The following ZFYVE26 variants were observed in gnomAD, a reference collection of about 807,000 sequenced individuals.
ZFYVE26 encodes the protein zinc finger FYVE-type containing 26, also known as zinc finger FYVE domain-containing protein 26.
ZFYVE26 carries 181 observed loss-of-function variants against 276.5 expected under a neutral mutation model. The ratio of observed to expected loss-of-function variants is 0.65; its 90% CI spans 0.58 to 0.74. The LOEUF (loss-of-function observed/expected upper bound fraction) is 0.74, where lower values mean the gene tolerates loss of function less well. ZFYVE26 is among the 30% of genes least tolerant of loss of function. The probability of loss-of-function intolerance (pLI) is 0.00; values close to 1 mark genes in which losing one functional copy is unlikely to be tolerated. For synonymous variants in ZFYVE26, 1,129 were observed against 1,203.1 expected, an observed-to-expected ratio of 0.94 and a Z score of 1.27; for missense variants, 2,821 against 3,097.9, an observed-to-expected ratio of 0.91 and a Z score of 2.12.
At chr14:67,750,735 G>A (rs1594880385) in intron 41 of ZFYVE26, 1 of 427,150 alleles carries the variant, frequency 2.3e-6, no homozygotes, top group East Asian at 4.8e-5. Context: ...AAAGATGGAG[G>A]TGAGGTGAGG....
chr14:67,748,572 G>A lies in ZFYVE26; in HGVS notation c.7484C>T (p.Ser2495Leu). The A allele has an allele frequency of 6.2e-7, 1 of 1,614,180 alleles. No homozygotes were observed. The highest frequency in any genetic ancestry group is 1.7e-5 in the Admixed American group (1 of 60,024). ...AYLIAVKQEH[S>L]RATALVQQVQ... Reference sequence around the variant, plus strand: ...CTGCTGGACAAGGGCTGTGGCCCGTGAGTGTTCTTGCTTCACAGCAATCAA... The same window carrying A: ...CTGCTGGACAAGGGCTGTGGCCCGTAAGTGTTCTTGCTTCACAGCAATCAA... Residue 2495 changes from serine (S) to leucine (L), a missense_variant, in exon 42 of 42, where the codon TCA becomes TTA. Coordinates refer to ENST00000347230, the MANE Select transcript of ZFYVE26 (RefSeq NM_015346.4).
chr14:67,777,819 T>A (rs1594907168), intron 24 of ZFYVE26, 84 bp from the exon 25 acceptor site: 2 of 1,550,080 alleles, frequency 1.3e-6, no homozygotes, highest in East Asian at 4.5e-5. Context: ...ATAGAATATT[T>A]AGGTTTACTC....
chr14:67,808,774 C>A (rs754335228), intron 4 of ZFYVE26, among the ~76,000 whole-genome samples: 5 of 151,818 alleles, frequency 3.3e-5, no homozygotes, highest in Admixed American at 3.3e-4. Context: ...AAGTATTGGG[C>A]CTCAGAGCAT....
intron 19 of ZFYVE26, among the ~76,000 whole-genome samples, 181 bp from the exon 20 acceptor site, chr14:67,784,617 A>G (rs1162188431): frequency 3.9e-5 from 6 of 152,170 alleles, no homozygotes; most frequent in Non-Finnish European, 8.8e-5. Context: ...TTTTATCTAT[A>G]TCTTACCACT....
At chr14:67,785,509 G>A (rs2039625913) in intron 18 of ZFYVE26, among the ~76,000 whole-genome samples, 1 of 152,176 alleles carries the variant, frequency 6.6e-6, no homozygotes, top group African/African-American at 2.4e-5. Context: ...ACTCTGGTGT[G>A]TATAGTTCTA....
chr14:67,752,318 G>A (rs373118116), intron 40 of ZFYVE26, 26 bp downstream of exon 40: 34 of 1,598,102 alleles, frequency 2.1e-5, no homozygotes, highest in Non-Finnish European at 2.9e-5. Flanking sequence ...TGATGGAGGA[G>A]CCAAGAGGTA....
rs761192908 is a variant in ZFYVE26, at chr14:67,783,540, G to C, written c.3627-15C>G. 1.2e-6 allele frequency: 2 copies of C among 1,610,606 alleles called. No homozygotes were observed. Among genetic ancestry groups the C allele is most frequent in the Non-Finnish European group, 1.7e-6 (2 of 1,179,944 alleles). On this transcript the variant is annotated splice_polypyrimidine_tract_variant and intron_variant, in intron 20 of 41. Coordinates refer to ENST00000347230, the MANE Select transcript of ZFYVE26 (RefSeq NM_015346.4). ...GGGCTGCCAGTCTGGAAGGAGAGAA[G>C]CAGAAAGCATACAAGGCCTGAATAC... is the stretch of plus-strand genomic sequence containing the variant.
intron 3 of ZFYVE26, among the ~76,000 whole-genome samples, chr14:67,812,535 C>T (rs1014792560): frequency 2.7e-4 from 41 of 152,146 alleles, no homozygotes; most frequent in African/African-American, 5.3e-4. Flanking sequence ...ATTCACTGGA[C>T]GCCATGGTGC....
intron 14 of ZFYVE26, 140 bp downstream of exon 14, chr14:67,793,468 C>A: frequency 2.2e-6 from 2 of 920,088 alleles, no homozygotes; most frequent in Non-Finnish European, 3.4e-6. Context: ...GGCCTGGGCA[C>A]ATGGAAACCC....
In ZFYVE26 at chr14:67,762,224, T is replaced by C; in HGVS notation, c.6348A>G (p.Thr2116=). The change falls in exon 34 of 42, where the codon ACA becomes ACG. Residue 2116 remains threonine (T), a synonymous_variant. Coordinates refer to ENST00000347230, the MANE Select transcript of ZFYVE26 (RefSeq NM_015346.4). The part of the protein sequence containing the change: ...VQDVVEYLES[T]VRPFVSLQDD... ...TTACCAAGGATACAAAGGGCCTCAC[T>C]GTGGACTCTAGGTACTCAACCACAT... The C allele has an allele frequency of 6.2e-7, 1 of 1,614,178 alleles. No homozygotes were observed. The highest frequency in any genetic ancestry group is 8.5e-7 in the Non-Finnish European group (1 of 1,180,024).
Position 67,753,783 on chromosome 14 carries a change from A to G in ZFYVE26, c.7129-17T>C, listed in dbSNP as rs2038708563. ...CAGCATGACCTGAAAAGGAAAGGGA[A>G]TCATGCTTAAAAACATGGCAATTAC... is the stretch of plus-strand genomic sequence containing the variant. On this transcript the variant is annotated splice_polypyrimidine_tract_variant and intron_variant, in intron 38 of 41. Transcript: ENST00000347230. 3 of 1,575,716 alleles carry G rather than the reference A, an allele frequency of 1.9e-6. No individual in the cohort carries two copies. The highest frequency in any genetic ancestry group is 1.6e-5 in the African/African-American group (1 of 64,414).
Position 67,752,567 on chromosome 14 carries a change from C to T in ZFYVE26, c.7189-41G>A, listed in dbSNP as rs201260901. On this transcript the variant is annotated intron_variant, in intron 39 of 41. Transcript: ENST00000347230. ...ACATGATGGGCTTAGGAGCAGGAAA[C>T]GTTAACGGTGGGGAGGGAGGCAGCA... The T allele has an allele frequency of 5.1e-5, 82 of 1,608,968 alleles. No individual in the cohort carries two copies. The Admixed American group carries it at 7.2e-4, about 14-fold the overall frequency.
chr14:67,806,704 A>G (rs1173028363), intron 5 of ZFYVE26, 29 bp from the exon 6 acceptor site: 57 of 1,613,790 alleles, frequency 3.5e-5, no homozygotes, highest in Non-Finnish European at 4.7e-5. Context: ...GGTTATCAGG[A>G]AACCAAGAAC....
Position 67,756,090 on chromosome 14 carries a change from C to T in ZFYVE26, c.6644G>A (p.Gly2215Glu). Reference protein sequence around the residue: ...EGIFQPSYKSGKLHTLENLLE... With the variant: ...EGIFQPSYKSEKLHTLENLLE... ...CAAGTTCTCCAAAGTGTGTAGCTTCCCACTTTTATAGCTTGGTTGGAAAAT... is the reference window on the plus strand; with the variant it reads ...CAAGTTCTCCAAAGTGTGTAGCTTCTCACTTTTATAGCTTGGTTGGAAAAT... Residue 2215 changes from glycine to glutamate, a missense_variant, in exon 36 of 42, where the codon GGG (glycine) becomes GAG (glutamate). Gly to Glu is a moderately conservative substitution (Grantham distance 98). Coordinates refer to ENST00000347230, the MANE Select transcript of ZFYVE26 (RefSeq NM_015346.4). 6.2e-7 allele frequency: 1 copy of T among 1,614,200 alleles called. No homozygotes were observed. The highest frequency in any genetic ancestry group is 8.5e-7 in the Non-Finnish European group (1 of 1,180,044).
At chr14:67,730,824 G>A (rs991871150) in intron 13 of ZFYVE26, among the ~76,000 whole-genome samples, 1 of 152,076 alleles carries the variant, frequency 6.6e-6, no homozygotes, top group Admixed American at 6.5e-5. Context: ...GGCTGGTCTT[G>A]AACTCCTGAC....
chr14:67,808,856 CAGA>C (rs559557537), intron 4 of ZFYVE26, among the ~76,000 whole-genome samples: 22 of 152,254 alleles, frequency 1.4e-4, no homozygotes, highest in African/African-American at 5.1e-4. Context: ...AATCTACCCC[CAGA>C]AGGTTGTTAT....
chr14:67,742,813 CCTTCCT>C (rs1566856346), downstream of ZFYVE26, among the ~76,000 whole-genome samples: 2,819 of 136,344 alleles, frequency 0.021, 134 homozygotes, highest in African/African-American at 0.081. Context: ...TCCCTTCCTT[CCTTCCT>C]TTCTTCTTTC....
rs11158695 is a variant in ZFYVE26, at chr14:67,774,894, A to G, written c.5320+122T>C. 0.66 allele frequency: 451,451 copies of G among 685,602 alleles called. 152,056 individuals carry two copies. The highest frequency in any genetic ancestry group is 0.91 in the East Asian group (33,940 of 37,104). 42.5% of individuals were successfully genotyped at this position (685,602 alleles called of 1,614,324 possible). On this transcript the variant is annotated intron_variant, in intron 27 of 41. Coordinates refer to ENST00000347230, the MANE Select transcript of ZFYVE26 (RefSeq NM_015346.4). ...AAATCTGGAATGAACCAAGATAAACAATTAATAATGTTGTAACTGGCAATG... is the reference window on the plus strand; with the variant it reads ...AAATCTGGAATGAACCAAGATAAACGATTAATAATGTTGTAACTGGCAATG...
rs915242356 is a variant in ZFYVE26, at chr14:67,767,977, T to C, written c.5654-137A>G. Reference sequence around the variant, plus strand: ...CCCTTTCTCTCTCCTTGGTTCCTTTTGTTTGCTTTAGGACACCCCACTAAG... The same window carrying C: ...CCCTTTCTCTCTCCTTGGTTCCTTTCGTTTGCTTTAGGACACCCCACTAAG... On this transcript the variant is annotated intron_variant, in intron 30 of 41. Coordinates refer to ENST00000347230, the MANE Select transcript of ZFYVE26 (RefSeq NM_015346.4). The C allele has an allele frequency of 3.2e-6, 4 of 1,265,338 alleles. No individual in the cohort carries two copies. In the African/African-American group the frequency reaches 5.9e-5, roughly 19 times the overall value. 78.4% of individuals were successfully genotyped at this position (1,265,338 alleles called of 1,614,324 possible).
Sources: allele counts gnomAD v4.1 joint callset (sites outside exome capture counted in the v4.1 genomes callset), GRCh38; gene constraint gnomAD v4.1.1; transcripts MANE v1.5; gene names NCBI Gene and HGNC (gene_info 2026-07-23, HGNC 2026-07-21).